SERPINF1: variants seen among roughly 807,000 people sequenced by gnomAD.
SERPINF1 encodes serpin family F member 1.
In SERPINF1, 29 loss-of-function variants were observed where a neutral mutation model predicts 37.3. The ratio of observed to expected loss-of-function variants is 0.78; its 90% CI spans 0.58 to 1.06. SERPINF1 has a LOEUF of 1.06. Among genes scored for constraint, SERPINF1 ranks in the 50% least tolerant of loss-of-function variants. SERPINF1 has a pLI of 0.00. For missense variants in SERPINF1, 553 were observed against 532.2 expected (o/e 1.04, Z -0.38); for synonymous variants, 281 against 227.9 (o/e 1.23, Z -2.10).
chr17:1,773,596 T>C (rs1352219524), intron 5 of SERPINF1, among the ~76,000 whole-genome samples: 2 of 152,242 alleles, frequency 1.3e-5, no homozygotes, highest in Non-Finnish European at 2.9e-5. Flanking sequence ...GCTGAGGAAC[T>C]CTGCACACAT....
rs202222754 is a variant in SERPINF1, at chr17:1,776,666, C to G, written c.921C>G (p.Thr307=). The G allele has an allele frequency of 6.2e-7, 1 of 1,613,866 alleles. No homozygotes were observed. The highest frequency in any genetic ancestry group is 1.1e-5 in the South Asian group (1 of 91,060). Residue 307 remains threonine, a synonymous_variant, in exon 7 of 8, where the codon ACC becomes ACG. Coordinates refer to ENST00000254722, the MANE Select transcript of SERPINF1 (RefSeq NM_002615.7). ...ATGACATAGACCGAGAACTGAAGAC[C>G]GTGCAGGCGGTCCTCACTGTCCCCA... is the stretch of plus-strand genomic sequence containing the variant. ...FIHDIDRELK[T]VQAVLTVPKL...
At position 1,766,795 on chromosome 17, in the gene SERPINF1, G is replaced by C. The variant is rs1907406935; in HGVS notation, c.-8-108G>C. On this transcript the variant is annotated intron_variant, in intron 1 of 7. Coordinates refer to ENST00000254722, the MANE Select transcript of SERPINF1 (RefSeq NM_002615.7). ...GTCGCTGCAGGGGGTGGGGGAAAGT[G>C]ACTAGCCCTGCCCAACCCCTGGGTC... 4 of 1,079,662 alleles carry C rather than the reference G, an allele frequency of 3.7e-6. No homozygotes were observed. In the South Asian group the frequency reaches 4.1e-5, roughly 11 times the overall value. The allele number at this position is 1,079,662 out of a possible 1,614,324, so 66.9% of individuals were successfully genotyped here. A position where few individuals can be genotyped will look rare whatever the true frequency, so the allele number is the denominator to read the frequency against.
chr17:1,770,215 G>A (rs1907644215), intron 3 of SERPINF1, among the ~76,000 whole-genome samples, 165 bp downstream of exon 3: 1 of 152,200 alleles, frequency 6.6e-6, no homozygotes, highest in African/African-American at 2.4e-5. Context: ...CTCAGGGGCT[G>A]CACACACACG....
At chr17:1,770,380 GTGTGGGC>G in intron 3 of SERPINF1, 1 of 455,466 alleles carries the variant, frequency 2.2e-6, no homozygotes, top group African/African-American at 2.0e-5. Context: ...AAACAAGCAG[GTGTGGGC>G]TTGCCCTCAC....
chr17:1,776,494 T>C, intron 6 of SERPINF1, 38 bp from the exon 7 acceptor site: 1 of 1,603,340 alleles, frequency 6.2e-7, no homozygotes, highest in East Asian at 2.2e-5. Flanking sequence ...GCTTTTGGGC[T>C]CTGAAGGACT....
rs780206699 is a variant in SERPINF1, at chr17:1,769,930, G to A, written c.163G>A (p.Ala55Thr). 6.2e-7 allele frequency: 1 copy of A among 1,614,172 alleles called. No individual in the cohort carries two copies. ...CTTCAAAGTCCCCGTGAACAAGCTG[G>A]CAGCGGCTGTCTCCAACTTCGGCTA... ...PFFKVPVNKL[A>T]AAVSNFGYDL... is the part of the protein sequence containing the mutation. Residue 55 changes from alanine (A) to threonine (T), a missense_variant, in exon 3 of 8, where the codon GCA becomes ACA. Transcript: ENST00000254722.
chr17:1,776,290 A>T (rs1055104542), intron 6 of SERPINF1, among the ~76,000 whole-genome samples: 1 of 152,196 alleles, frequency 6.6e-6, no homozygotes, highest in East Asian at 1.9e-4. Flanking sequence ...TTCAGCAGAC[A>T]ACTTCAGTTG....
Position 1,777,317 on chromosome 17 carries a change from G to T in SERPINF1, c.1128G>T (p.Gly376=). The T allele has an allele frequency of 6.2e-7, 1 of 1,614,138 alleles. No individual in the cohort carries two copies. ...EDGAGTTPSP[G]LQPAHLTFPL... ...GGGCGGGAACCACCCCCAGCCCAGG[G>T]CTGCAGCCTGCCCACCTCACCTTCC... Residue 376 remains glycine, a synonymous_variant, in exon 8 of 8, where the codon GGG becomes GGT. Coordinates refer to ENST00000254722, the MANE Select transcript of SERPINF1 (RefSeq NM_002615.7).
chr17:1,770,544 C>A (rs1448733613), intron 3 of SERPINF1: 1 of 226,108 alleles, frequency 4.4e-6, no homozygotes, highest in Non-Finnish European at 8.8e-6. Context: ...ACTGCAACCT[C>A]TGCCTCCCTG....
chr17:1,763,707 C>G (rs555360075), intron 1 of SERPINF1, among the ~76,000 whole-genome samples: 149 of 152,336 alleles, frequency 9.8e-4, no homozygotes, highest in Non-Finnish European at 1.7e-3. Context: ...GTCCCTGTGT[C>G]TAGCTCGGGG....
intron 5 of SERPINF1, among the ~76,000 whole-genome samples, chr17:1,772,724 A>C (rs1227368100): frequency 6.7e-6 from 1 of 148,934 alleles, no homozygotes; most frequent in Non-Finnish European, 1.5e-5. Flanking sequence ...GCGCCCTACT[A>C]ATTTTTTGTA....
intron 3 of SERPINF1, chr17:1,770,390 G>A (rs1907654329): frequency 2.3e-6 from 1 of 431,014 alleles, no homozygotes; most frequent in African/African-American, 2.0e-5. Flanking sequence ...GTGTGGGCTT[G>A]CCCTCACCGA....
intron 5 of SERPINF1, among the ~76,000 whole-genome samples, chr17:1,774,824 A>T (rs548704941): frequency 2.0e-4 from 30 of 152,032 alleles, no homozygotes; most frequent in Admixed American, 1.9e-3. Flanking sequence ...AATCAACCAA[A>T]TCAACGTCTT....
chr17:1,770,875 G>C, intron 3 of SERPINF1, 154 bp from the exon 4 acceptor site: 1 of 957,026 alleles, frequency 1.0e-6, no homozygotes. Flanking sequence ...CTCTAAGGAT[G>C]AAAATTCCTT....
At chr17:1,776,403 T>C (rs1263724205) in intron 6 of SERPINF1, 129 bp from the exon 7 acceptor site, 2 of 824,246 alleles carry the variant, frequency 2.4e-6, no homozygotes, top group African/African-American at 3.4e-5. Flanking sequence ...AATTGTTAAA[T>C]AGATGAGGGG....
rs1908094500 is a variant in SERPINF1 at position 1,777,237 on chromosome 17, C to T, written c.1048C>T (p.Pro350Ser). The change falls in exon 8 of 8, where the codon CCC becomes TCC. Residue 350 changes from proline to serine, a missense_variant. By Grantham distance (74) the Pro-to-Ser change is moderately conservative. Transcript: ENST00000254722. ...AGACTTTAGCAAGATCACAGGCAAA[C>T]CCATCAAGCTGACTCAGGTGGAACA... Reference protein sequence around the residue: ...SPDFSKITGKPIKLTQVEHRA... With the variant: ...SPDFSKITGKSIKLTQVEHRA... 6.2e-7 allele frequency: 1 copy of T among 1,614,144 alleles called. No individual in the cohort carries two copies. Among genetic ancestry groups the T allele is most frequent in the Admixed American group, 1.7e-5 (1 of 59,992 alleles).
chr17:1,765,776 G>A (rs1263963334), intron 1 of SERPINF1, among the ~76,000 whole-genome samples: 1 of 151,336 alleles, frequency 6.6e-6, no homozygotes, highest in Non-Finnish European at 1.5e-5. Flanking sequence ...AGGATCACAT[G>A]AGGTCAGGAG....
In SERPINF1 at chr17:1,766,888, GTTC is replaced by G. The variant is rs1333135082; in HGVS notation, c.-8-12_-8-10del. ...TCGGGGGAGAGCGGCTTGCTGCCTCGTTCTTTTCTTGCAGGCCCCAGGATGCAG... is the reference window on the plus strand; with the variant it reads ...TCGGGGGAGAGCGGCTTGCTGCCTCGTTTTCTTGCAGGCCCCAGGATGCAG... On this transcript the variant is annotated splice_polypyrimidine_tract_variant and intron_variant, in intron 1 of 7. Transcript: ENST00000254722. 9.0e-6 allele frequency: 14 copies of G among 1,551,986 alleles called. No individual in the cohort carries two copies. Among genetic ancestry groups the G allele is most frequent in the Non-Finnish European group, 1.1e-5 (13 of 1,147,212 alleles).
intron 6 of SERPINF1, among the ~76,000 whole-genome samples, chr17:1,775,554 T>TTC (rs1907978467): frequency 6.6e-6 from 1 of 151,954 alleles, no homozygotes; most frequent in African/African-American, 2.4e-5. Context: ...CATCTTTTTT[T>TTC]TTTTTTTTGA....
Sources: allele counts gnomAD v4.1 joint callset (sites outside exome capture counted in the v4.1 genomes callset), GRCh38; gene constraint gnomAD v4.1.1; transcripts MANE v1.5; gene names NCBI Gene and HGNC (gene_info 2026-07-23, HGNC 2026-07-21).